Variants in BORCS8 observed in about 807,000 individuals in gnomAD.
BORCS8 encodes BLOC-1 related complex subunit 8, also known as BLOC-1-related complex subunit 8.
In BORCS8, 13 loss-of-function variants were observed where a neutral mutation model predicts 18.7. The ratio of observed to expected loss-of-function variants is 0.70; its 90% CI spans 0.45 to 1.11. BORCS8 has a LOEUF of 1.11. Among genes scored for constraint, BORCS8 ranks in the 50% least tolerant of loss-of-function variants. BORCS8 has a pLI of 0.00. For missense variants in BORCS8, 165 were observed against 165.7 expected (o/e 1.00, Z 0.02); for synonymous variants, 68 against 64.8 (o/e 1.05, Z -0.24).
At chr19:19,190,955 T>C (rs2060465160) in intron 1 of BORCS8, among the ~76,000 whole-genome samples, 1 of 151,124 alleles carries the variant, frequency 6.6e-6, no homozygotes, top group African/African-American at 2.4e-5. Context: ...AAAGCAAAAC[T>C]TCAATCTGCC....
intron 1 of BORCS8, among the ~76,000 whole-genome samples, chr19:19,191,491 CA>C (rs34145724): frequency 0.27 from 23,059 of 85,910 alleles, 2,034 homozygotes; most frequent in East Asian, 0.51. Flanking sequence ...TACCTTGTCT[CA>C]AAAAAAAAAA....
intron 1 of BORCS8, 126 bp downstream of exon 1, chr19:19,191,955 G>A (rs1397855332): frequency 1.2e-5 from 14 of 1,149,412 alleles, no homozygotes; most frequent in Middle Eastern, 2.0e-4. Context: ...CTAGTCAGCG[G>A]CAGAGCTGGG....
rs564327409 is a variant in BORCS8 at position 19,188,827 on chromosome 19, G to A, written c.38-1822C>T. 9.4e-4 allele frequency among the ~76,000 whole-genome samples: 143 copies of A among 151,684 alleles called. 1 individual carries two copies. The highest frequency in any genetic ancestry group is 1.5e-3 in the Non-Finnish European group (104 of 67,854). On this transcript the variant is annotated intron_variant, in intron 1 of 5. Transcript: ENST00000462790. Reference sequence around the variant, plus strand: ...CCCTTCTCCCCTGCAGGTGTCTCCTGATGAAATTTTTTTTTTCTTGTTTTT... The same window carrying A: ...CCCTTCTCCCCTGCAGGTGTCTCCTAATGAAATTTTTTTTTTCTTGTTTTT...
intron 3 of BORCS8, among the ~76,000 whole-genome samples, chr19:19,185,642 T>C (rs1409574099): frequency 1.3e-5 from 2 of 152,186 alleles, no homozygotes; most frequent in Non-Finnish European, 2.9e-5. Flanking sequence ...ACTGAGATCA[T>C]GCCACTGCAC....
At chr19:19,177,687 AGG>A (rs1284030367) in intron 5 of BORCS8, 1,513 of 60,500 alleles carry the variant, frequency 0.025, 85 homozygotes, top group South Asian at 0.079. Flanking sequence ...GAAGGAAGGA[AGG>A]AAGGAAGAGA....
intron 4 of BORCS8, among the ~76,000 whole-genome samples, chr19:19,181,502 G>A (rs1169709687): frequency 3.9e-5 from 6 of 152,286 alleles, no homozygotes; most frequent in East Asian, 1.9e-4. Flanking sequence ...AGTGTGTTGC[G>A]TTTTTGAAAC....
chr19:19,177,681 G>GGAA (rs2060305857), intron 5 of BORCS8: 3 of 92,812 alleles, frequency 3.2e-5, no homozygotes, highest in African/African-American at 1.8e-4. Flanking sequence ...AGGAAGGAAG[G>GGAA]AAGGAAGGAA....
At chr19:19,188,315 A>C (rs969819619) in intron 1 of BORCS8, among the ~76,000 whole-genome samples, 6 of 152,200 alleles carry the variant, frequency 3.9e-5, no homozygotes, top group African/African-American at 1.4e-4. Flanking sequence ...GGCATGAGCC[A>C]CCGCGCCCGG....
At chr19:19,190,784 G>A (rs56800592) in intron 1 of BORCS8, among the ~76,000 whole-genome samples, 4,122 of 151,780 alleles carry the variant, frequency 0.027, 194 homozygotes, top group African/African-American at 0.095. Flanking sequence ...GCAAAACTCC[G>A]TCTCAAATAA....
At chr19:19,180,607 G>A (rs538388161) in intron 5 of BORCS8, 79 bp downstream of exon 5, 10 of 994,020 alleles carry the variant, frequency 1.0e-5, no homozygotes, top group African/African-American at 9.6e-5. Context: ...AGACAAGCAG[G>A]TGCCTGCCTG....
intron 3 of BORCS8, among the ~76,000 whole-genome samples, chr19:19,183,101 C>T (rs1035623784): frequency 1.3e-5 from 2 of 152,126 alleles, no homozygotes; most frequent in African/African-American, 4.8e-5. Context: ...CACAGCGAGA[C>T]CCCATCTCTT....
intron 2 of BORCS8, 110 bp from the exon 3 acceptor site, chr19:19,186,208 G>T: frequency 9.7e-7 from 1 of 1,034,750 alleles, no homozygotes; most frequent in Non-Finnish European, 1.5e-6. Flanking sequence ...TGGAAGCAGA[G>T]ACCTTTCCTC....
At chr19:19,180,600 C>G in intron 5 of BORCS8, 86 bp downstream of exon 5, 1 of 938,122 alleles carries the variant, frequency 1.1e-6, no homozygotes, top group Admixed American at 2.0e-5. Context: ...AGTGGTTAGA[C>G]AAGCAGGTGC....
rs2060490963 is a variant in BORCS8, at chr19:19,192,070, G to A, written c.37+11C>T. ...CCGGCCCCCTCTGTCCCGCCCGCAG[G>A]CCCGCACCACCTTTCTTCCCCTTGA... On this transcript the variant is annotated intron_variant, in intron 1 of 5. Transcript: ENST00000462790. 3.2e-6 allele frequency: 5 copies of A among 1,550,862 alleles called. No individual in the cohort carries two copies. The African/African-American group carries it at 5.5e-5, about 17-fold the overall frequency.
Position 19,187,792 on chromosome 19 carries a change from C to T in BORCS8, c.38-787G>A, listed in dbSNP as rs982454871. On this transcript the variant is annotated intron_variant, in intron 1 of 5. Transcript: ENST00000462790. ...GACCTCGTGATCCGCTCACCATGGC[C>T]TCCCAAAGTGCTGGGATTACAGGCT... 9.9e-5 allele frequency among the ~76,000 whole-genome samples: 15 copies of T among 151,762 alleles called. 1 individual carries two copies. The South Asian group carries it at 2.3e-3, about 23-fold the overall frequency.
At chr19:19,181,224 G>A (rs1466269732) in intron 4 of BORCS8, among the ~76,000 whole-genome samples, 2 of 151,882 alleles carry the variant, frequency 1.3e-5, no homozygotes, top group Non-Finnish European at 2.9e-5. Flanking sequence ...AAATGGCTGG[G>A]CCCAGTGGGT....
chr19:19,181,047 T>C (rs2060343853), intron 4 of BORCS8, among the ~76,000 whole-genome samples: 1 of 151,770 alleles, frequency 6.6e-6, no homozygotes, highest in Middle Eastern at 3.4e-3. Flanking sequence ...ATACAAAAAT[T>C]AGCCAGGTGT....
chr19:19,177,863 TCTGA>T (rs1188662801), intron 5 of BORCS8: 3 of 153,386 alleles, frequency 2.0e-5, no homozygotes, highest in Non-Finnish European at 2.9e-5. Flanking sequence ...TCTGCTCTTC[TCTGA>T]CTGTGCCCTT....
chr19:19,181,776 GCTTT>G (rs1384176274), intron 4 of BORCS8: 6 of 804,086 alleles, frequency 7.5e-6, no homozygotes, highest in African/African-American at 5.6e-5. Flanking sequence ...CAACACAGAT[GCTTT>G]CTTTCTTTTG....
Sources: allele counts gnomAD v4.1 joint callset (sites outside exome capture counted in the v4.1 genomes callset), GRCh38; gene constraint gnomAD v4.1.1; transcripts MANE v1.5; gene names NCBI Gene and HGNC (gene_info 2026-07-23, HGNC 2026-07-21).